The following MMP16 variants were observed in gnomAD, a reference collection of about 807,000 sequenced individuals.
MMP16 encodes matrix metallopeptidase 16, also known as matrix metalloproteinase-16.
Under a neutral mutation model 67.8 loss-of-function variants are expected in MMP16, and 12 were observed. That is an observed-to-expected ratio of 0.18 (90% confidence interval 0.11 to 0.29). The LOEUF (loss-of-function observed/expected upper bound fraction) is 0.29, where lower values mean the gene tolerates loss of function less well. Among genes scored for constraint, MMP16 ranks in the 10% least tolerant of loss-of-function variants. The pLI, the probability that MMP16 is intolerant of heterozygous loss-of-function variation, is 1.00. For missense variants in MMP16, 475 were observed against 765.7 expected, an observed-to-expected ratio of 0.62 and a Z score of 4.48; for synonymous variants, 249 against 255.9, an observed-to-expected ratio of 0.97 and a Z score of 0.26.
intron 3 of MMP16, among the ~76,000 whole-genome samples, chr8:88,181,864 C>A (rs77685786): frequency 0.012 from 1,880 of 152,016 alleles, 19 homozygotes; most frequent in Non-Finnish European, 0.019. Flanking sequence ...AAATTGATCA[C>A]CACAAATAGA....
At chr8:88,113,703 T>C (rs1055229279) in intron 6 of MMP16, among the ~76,000 whole-genome samples, 6 of 151,916 alleles carry the variant, frequency 3.9e-5, no homozygotes, top group South Asian at 2.1e-4. Context: ...CTCTGTCCTA[T>C]GTAAGTGTTC....
Position 88,041,653 on chromosome 8 carries a change from G to A in MMP16, c.1632C>T (p.Ser544=). ...GPTDRVKEGH[S]PPDDVDIVIK... ...TGACAATGTCTACATCATCTGGTGG[G>A]CTGTGTCCTTCTTTAACTCTGTCTG... Residue 544 remains serine, a synonymous_variant, in exon 10 of 10, where the codon AGC becomes AGT. Transcript: ENST00000286614. This position sits in a 1 kb window ranked among gnomAD's most constrained non-coding sequence, Gnocchi z 6.0. The A allele has an allele frequency of 6.2e-7, 1 of 1,614,086 alleles. No homozygotes were observed. The highest frequency in any genetic ancestry group is 8.5e-7 in the Non-Finnish European group (1 of 1,180,002).
intron 7 of MMP16, among the ~76,000 whole-genome samples, chr8:88,067,479 T>C (rs1297342730): frequency 6.6e-6 from 1 of 152,134 alleles, no homozygotes; most frequent in East Asian, 1.9e-4. Context: ...TTAATGTGTA[T>C]AATTTATTAA....
chr8:88,109,707 T>G (rs1477130049), intron 6 of MMP16, among the ~76,000 whole-genome samples: 2 of 151,316 alleles, frequency 1.3e-5, no homozygotes, highest in African/African-American at 4.8e-5. Flanking sequence ...TTATTTATCT[T>G]GAATTAATGT....
intron 1 of MMP16, among the ~76,000 whole-genome samples, chr8:88,294,134 C>T (rs1394024013): frequency 1.3e-5 from 2 of 151,278 alleles, no homozygotes; most frequent in African/African-American, 4.9e-5. Flanking sequence ...ACTAAGAAAA[C>T]ATTATAGTTA....
intron 1 of MMP16, among the ~76,000 whole-genome samples, chr8:88,281,352 G>A (rs908271925): frequency 5.9e-5 from 9 of 152,282 alleles, no homozygotes; most frequent in African/African-American, 2.2e-4. Context: ...TTAAGAGAGA[G>A]CTCCCAAGGG....
chr8:88,294,288 ATATATG>A (rs200476730), intron 1 of MMP16, among the ~76,000 whole-genome samples: 16,019 of 141,572 alleles, frequency 0.11, 1,029 homozygotes, highest in African/African-American at 0.18. Context: ...ACACACACAC[ATATATG>A]TATATATGTA....
At chr8:88,082,586 T>G (rs1244982514) in intron 6 of MMP16, among the ~76,000 whole-genome samples, 1 of 152,156 alleles carries the variant, frequency 6.6e-6, no homozygotes, top group African/African-American at 2.4e-5. Flanking sequence ...TGGGAAAATT[T>G]ATCTATATTA....
intron 6 of MMP16, among the ~76,000 whole-genome samples, chr8:88,102,782 T>C (rs1165063615): frequency 2.6e-5 from 4 of 151,816 alleles, no homozygotes; most frequent in African/African-American, 9.7e-5. Context: ...TATGTCAGGG[T>C]CCAAGACCAA....
intron 1 of MMP16, among the ~76,000 whole-genome samples, chr8:88,258,310 C>T (rs1810336107): frequency 6.6e-6 from 1 of 152,170 alleles, no homozygotes. Context: ...TAGTTCTGCA[C>T]TCAGGAGCCT....
In MMP16 at chr8:88,210,396, C is replaced by T. The variant is rs561063434; in HGVS notation, c.133-13090G>A. On this transcript the variant is annotated intron_variant, in intron 1 of 9. Coordinates refer to ENST00000286614, the MANE Select transcript of MMP16 (RefSeq NM_005941.5). ...ACAGCTCCTGGCACATTTTCTGAGC[C>T]TGAGTGATAGAATTACAAGGGCTCG... 1.7e-3 allele frequency among the ~76,000 whole-genome samples: 253 copies of T among 152,274 alleles called. 8 individuals carry two copies. In the South Asian group the frequency reaches 0.049, roughly 30 times the overall value.
intron 6 of MMP16, among the ~76,000 whole-genome samples, chr8:88,098,564 ATTC>A (rs1245145854): frequency 1.3e-5 from 2 of 151,994 alleles, no homozygotes; most frequent in Non-Finnish European, 2.9e-5. Context: ...GGCATGGCCA[ATTC>A]TTTATAACAT....
At chr8:88,304,126 CACA>C (rs1427950265) in intron 1 of MMP16, among the ~76,000 whole-genome samples, 2 of 152,132 alleles carry the variant, frequency 1.3e-5, no homozygotes, top group Admixed American at 6.5e-5. Context: ...AGCTGAAAAA[CACA>C]ACATGAGAAC....
intron 1 of MMP16, among the ~76,000 whole-genome samples, chr8:88,286,599 G>A (rs139463877): frequency 0.024 from 3,653 of 150,974 alleles, 117 homozygotes; most frequent in Admixed American, 0.093. Context: ...TTTTTAAGAT[G>A]GAGTCTGGCT....
At chr8:88,097,679 A>ATG (rs1229230580) in intron 6 of MMP16, among the ~76,000 whole-genome samples, 1 of 150,188 alleles carries the variant, frequency 6.7e-6, no homozygotes, top group African/African-American at 2.4e-5. Flanking sequence ...GGGACTTGGG[A>ATG]TGCAGGACCT....
intron 4 of MMP16, among the ~76,000 whole-genome samples, chr8:88,137,652 T>G (rs184968184): frequency 6.6e-6 from 1 of 152,114 alleles, no homozygotes; most frequent in Non-Finnish European, 1.5e-5. Context: ...TCCTGCAATT[T>G]TCTCTTTATA....
At chr8:88,188,343 G>A (rs989964472) in intron 2 of MMP16, among the ~76,000 whole-genome samples, 1 of 152,054 alleles carries the variant, frequency 6.6e-6, no homozygotes, top group African/African-American at 2.4e-5. Context: ...TGAAAGTACT[G>A]GGAGAACAAA....
Position 88,326,455 on chromosome 8 carries a change from C to T in MMP16, c.132+620G>A, listed in dbSNP as rs28907877. ...TTGGGCCACGTTTATTTTCAATTGG[C>T]GGGGGAGGGGGAAAGAAGACACTTA... is the stretch of plus-strand genomic sequence containing the variant. On this transcript the variant is annotated intron_variant, in intron 1 of 9. Coordinates refer to ENST00000286614, the MANE Select transcript of MMP16 (RefSeq NM_005941.5). Among the ~76,000 whole-genome samples the T allele has an allele frequency of 2.3e-3, 346 of 151,098 alleles. 1 individual carries two copies. Among genetic ancestry groups the T allele is most frequent in the African/African-American group, 7.6e-3 (314 of 41,108 alleles).
chr8:88,257,840 A>G (rs766877191), intron 1 of MMP16, among the ~76,000 whole-genome samples: 9 of 152,298 alleles, frequency 5.9e-5, no homozygotes, highest in Non-Finnish European at 1.2e-4. Context: ...ACAATACTGT[A>G]AGTATTTGCA....
Sources: gnomAD v4.1 joint callset for allele counts (sites outside exome capture counted in the v4.1 genomes callset) on GRCh38, gnomAD v4.1.1 for gene constraint, Gnocchi (gnomAD v3.1) non-coding constraint, MANE v1.5 for transcripts, NCBI Gene and HGNC (gene_info 2026-07-23, HGNC 2026-07-21) for gene names.